PRDM6: variants seen among roughly 807,000 people sequenced by gnomAD.
PRDM6 encodes putative histone-lysine N-methyltransferase PRDM6.
In PRDM6, 25 loss-of-function variants were observed where a neutral mutation model predicts 60.8. The observed-to-expected ratio is 0.41, with a 90% confidence interval of 0.30 to 0.57. PRDM6 has a LOEUF of 0.57. Ranked by LOEUF, PRDM6 falls within the 20% of genes least tolerant of loss-of-function variation. The probability of loss-of-function intolerance (pLI) is 0.27; values close to 1 mark genes in which losing one functional copy is unlikely to be tolerated. For synonymous variants in PRDM6, 407 were observed against 357.4 expected, an observed-to-expected ratio of 1.14 and a Z score of -1.57; for missense variants, 839 against 821.3, an observed-to-expected ratio of 1.02 and a Z score of -0.26.
chr5:123,171,164 C>A (rs553263895), intron 6 of PRDM6, 56 bp downstream of exon 6: 3 of 1,393,532 alleles, frequency 2.2e-6, no homozygotes, highest in African/African-American at 2.9e-5. Flanking sequence ...CCACTGCTTG[C>A]CTTCCCGCCA....
At chr5:123,103,081 T>C (rs1204642082) in intron 3 of PRDM6, among the ~76,000 whole-genome samples, 5 of 152,102 alleles carry the variant, frequency 3.3e-5, no homozygotes, top group African/African-American at 7.2e-5. Flanking sequence ...TAATATTTTC[T>C]TTGTGTATAA....
At chr5:123,136,622 A>G (rs139454510) in intron 3 of PRDM6, among the ~76,000 whole-genome samples, 241 of 152,258 alleles carry the variant, frequency 1.6e-3, no homozygotes, top group Admixed American at 2.6e-3. Context: ...TAATTCTCTT[A>G]TTTGAGAATA....
At chr5:123,176,221 A>T (rs1407909419) in intron 6 of PRDM6, among the ~76,000 whole-genome samples, 1 of 151,784 alleles carries the variant, frequency 6.6e-6, no homozygotes, top group African/African-American at 2.4e-5. Flanking sequence ...GCTAGCTCAG[A>T]TACAGAACAG....
intron 2 of PRDM6, among the ~76,000 whole-genome samples, chr5:123,095,398 G>C (rs1275708033): frequency 6.6e-6 from 1 of 152,250 alleles, no homozygotes; most frequent in African/African-American, 2.4e-5. Context: ...GAAGGCAGTG[G>C]GGGGACCGCA....
chr5:123,151,345 C>A (rs1765365025), intron 3 of PRDM6, among the ~76,000 whole-genome samples: 1 of 152,124 alleles, frequency 6.6e-6, no homozygotes, highest in Admixed American at 6.6e-5. Flanking sequence ...ATCCAGGGAA[C>A]CCGTTCGGGG....
intron 6 of PRDM6, among the ~76,000 whole-genome samples, chr5:123,174,334 T>G (rs1765958690): frequency 6.6e-6 from 1 of 152,236 alleles, no homozygotes; most frequent in Admixed American, 6.5e-5. Context: ...ATATGCCCAT[T>G]CAGCCACTTA....
intron 3 of PRDM6, among the ~76,000 whole-genome samples, chr5:123,112,956 T>G (rs1412911635): frequency 6.6e-6 from 1 of 152,200 alleles, no homozygotes; most frequent in East Asian, 1.9e-4. Flanking sequence ...GACATTTAGC[T>G]GATTGTTAAA....
intron 6 of PRDM6, among the ~76,000 whole-genome samples, chr5:123,174,589 A>G (rs335199): frequency 0.051 from 7,741 of 152,286 alleles, 270 homozygotes; most frequent in Non-Finnish European, 0.077. Context: ...ATGAAACCCC[A>G]GATATTTCAA....
At position 123,118,242 on chromosome 5, in the gene PRDM6, T is replaced by C. The variant is rs1172502485; in HGVS notation, c.900+18281T>C. On this transcript the variant is annotated intron_variant, in intron 3 of 7. Coordinates refer to ENST00000407847, the MANE Select transcript of PRDM6 (RefSeq NM_001136239.4). ...GAGATGGAATTCAAGTTGGGATAAA[T>C]GGCAAATGCAAAAGCCCAGAGGAGG... Among the ~76,000 whole-genome samples the C allele has an allele frequency of 2.0e-5, 3 of 152,174 alleles. No individual in the cohort carries two copies. In the East Asian group the frequency reaches 5.8e-4, roughly 29 times the overall value.
intron 3 of PRDM6, among the ~76,000 whole-genome samples, chr5:123,115,925 A>G (rs1251321741): frequency 6.6e-6 from 1 of 152,204 alleles, no homozygotes; most frequent in East Asian, 1.9e-4. Flanking sequence ...ATGCTTGCCA[A>G]AATACCTGCA....
chr5:123,187,290 A>G lies in PRDM6; in HGVS notation c.*89A>G. 1.0e-6 allele frequency: 1 copy of G among 973,772 alleles called. No individual in the cohort carries two copies. 60.3% of individuals were successfully genotyped at this position (973,772 alleles called of 1,614,324 possible). On this transcript the variant is annotated 3_prime_UTR_variant, in exon 8 of 8. Transcript: ENST00000407847. ...CAAAACCAAAGATTTCCTCTGAGCA[A>G]CTTTCAATCAGTCCCAGAAAACCAA... is the stretch of plus-strand genomic sequence containing the variant.
rs1332238387 is a variant in PRDM6, at chr5:123,190,537, A to C, written c.*3336A>C. ...TTATATAATTTGATTCAGTTGGTAC[A>C]TTTTTTATTGTGTTCATTTAAATGT... is the stretch of plus-strand genomic sequence containing the variant. On this transcript the variant is annotated 3_prime_UTR_variant, in exon 8 of 8. Transcript: ENST00000407847. The C allele has an allele frequency of 6.6e-6, 1 of 152,146 alleles. No individual in the cohort carries two copies. The highest frequency in any genetic ancestry group is 1.5e-5 in the Non-Finnish European group (1 of 68,020). The allele number at this position is 152,146 out of a possible 1,614,324, so 9.4% of individuals were successfully genotyped here. A position where few individuals can be genotyped will look rare whatever the true frequency, so the allele number is the denominator to read the frequency against.
At chr5:123,126,460 A>G (rs1024716219) in intron 3 of PRDM6, among the ~76,000 whole-genome samples, 5 of 151,672 alleles carry the variant, frequency 3.3e-5, no homozygotes, top group African/African-American at 1.2e-4. Context: ...TCCAGCAGTG[A>G]GCAGTGGATC....
chr5:123,101,728 G>GT (rs764862958), intron 3 of PRDM6, among the ~76,000 whole-genome samples: 16 of 152,302 alleles, frequency 1.1e-4, no homozygotes, highest in Admixed American at 1.3e-4. Context: ...TTCATTGTGG[G>GT]TTTTTTCCCC....
intron 3 of PRDM6, among the ~76,000 whole-genome samples, chr5:123,105,559 G>T (rs557531094): frequency 6.6e-6 from 1 of 152,208 alleles, no homozygotes; most frequent in African/African-American, 2.4e-5. Flanking sequence ...CTCAGCTGGG[G>T]AATATGCCTA....
At chr5:123,092,138 C>G (rs1763855155) in intron 2 of PRDM6, among the ~76,000 whole-genome samples, 1 of 152,218 alleles carries the variant, frequency 6.6e-6, no homozygotes, top group Non-Finnish European at 1.5e-5. Flanking sequence ...GTTGAGAAGA[C>G]TTGTATTTCA....
At chr5:123,111,589 T>C (rs1206354023) in intron 3 of PRDM6, among the ~76,000 whole-genome samples, 3 of 151,992 alleles carry the variant, frequency 2.0e-5, no homozygotes, top group Non-Finnish European at 4.4e-5. Flanking sequence ...TCCCAGCTAC[T>C]CGGGAGCCTG....
At chr5:123,128,642 T>A (rs983350105) in intron 3 of PRDM6, among the ~76,000 whole-genome samples, 8 of 152,238 alleles carry the variant, frequency 5.3e-5, no homozygotes, top group African/African-American at 1.9e-4. Flanking sequence ...TAAATTTGTT[T>A]GAGTTCTTTG....
rs1215104345 is a variant in PRDM6, at chr5:123,180,274, A to G, written c.1624A>G (p.Thr542Ala). 6.4e-7 allele frequency: 1 copy of G among 1,551,590 alleles called. No homozygotes were observed. Among genetic ancestry groups the G allele is most frequent in the Non-Finnish European group, 8.7e-7 (1 of 1,146,980 alleles). ...CTGTGGTCGTGCCTTTGCCGGGGCC[A>G]CCACCCTCAACAACCACATCCGAAC... ...GYCGRAFAGA[T>A]TLNNHIRTHT... is the part of the protein sequence containing the mutation. The change falls in exon 7 of 8, where the codon ACC becomes GCC. Residue 542 changes from threonine (T) to alanine (A), a missense_variant. This residue lies in a region of PRDM6 where 109 missense variants were observed against 172.6 expected (regional missense o/e 0.63). Transcript: ENST00000407847.
Sources: gnomAD v4.1 joint callset for allele counts (sites outside exome capture counted in the v4.1 genomes callset) on GRCh38, gnomAD v4.1.1 for gene constraint, gnomAD v4.1.1 regional missense constraint, MANE v1.5 for transcripts, NCBI Gene and HGNC (gene_info 2026-07-23, HGNC 2026-07-21) for gene names.